TENM1: variants seen among roughly 807,000 people sequenced by gnomAD.
TENM1 encodes teneurin transmembrane protein 1, also known as teneurin-1.
Under a neutral mutation model 174.8 loss-of-function variants are expected in TENM1, and 35 were observed. The observed-to-expected ratio is 0.20, with a 90% confidence interval of 0.15 to 0.27. The LOEUF is 0.27. Ranked by LOEUF, TENM1 falls within the 10% of genes least tolerant of loss-of-function variation. TENM1 has a pLI of 1.00. For missense variants in TENM1, 1,633 were observed against 2,130.1 expected, an observed-to-expected ratio of 0.77 and a Z score of 4.59; for synonymous variants, 781 against 798.7, an observed-to-expected ratio of 0.98 and a Z score of 0.37.
chrX:124,803,784 A>G (rs1227533382), intron 3 of TENM1, among the ~76,000 whole-genome samples: 1 of 112,128 alleles, frequency 8.9e-6, no homozygotes, highest in African/African-American at 3.2e-5. Flanking sequence ...ATAATCTGAC[A>G]ATCAATATAA....
chrX:124,576,405 G>C (rs2049167788), intron 11 of TENM1, among the ~76,000 whole-genome samples: 1 of 107,563 alleles, frequency 9.3e-6, no homozygotes, highest in Non-Finnish European at 1.9e-5. Flanking sequence ...ATGAGTGGTA[G>C]GCCATGGGAT....
chrX:124,672,002 C>T (rs773050818), intron 5 of TENM1, among the ~76,000 whole-genome samples, 167 bp from the exon 9 acceptor site: 187 of 112,170 alleles, frequency 1.7e-3, no homozygotes, highest in Non-Finnish European at 2.7e-3. Context: ...TTACATGCTA[C>T]GACACACATA....
intron 11 of TENM1, among the ~76,000 whole-genome samples, chrX:124,589,942 T>C (rs1030593206): frequency 9.0e-6 from 1 of 111,550 alleles, no homozygotes; most frequent in Non-Finnish European, 1.9e-5. Flanking sequence ...AGTCATTTAT[T>C]TTCTTCTGGT....
chrX:125,200,654 T>TGTGTGAGAGAGAGAGA, the TENM1 span, among the ~76,000 whole-genome samples: 24 of 92,420 alleles, frequency 2.6e-4, 1 homozygote, highest in African/African-American at 9.2e-4. Context: ...TGTGTGTGTG[T>TGTGTGAGAGAGAGAGA]GAGAGAGAGA....
intron 1 of TENM1, among the ~76,000 whole-genome samples, chrX:124,951,673 T>TAA (rs1556426224): frequency 0.32 from 20,989 of 65,715 alleles, 2,569 homozygotes; most frequent in East Asian, 0.4. Flanking sequence ...TATATATATA[T>TAA]AACAATCAAT....
At chrX:124,790,900 A>C (rs1440521429) in intron 3 of TENM1, among the ~76,000 whole-genome samples, 1 of 111,533 alleles carries the variant, frequency 9.0e-6, no homozygotes, top group Non-Finnish European at 1.9e-5. Flanking sequence ...ATAGAAATAA[A>C]AAAAATAGTA....
At chrX:124,995,469 G>A in the TENM1 span, among the ~76,000 whole-genome samples, 1 of 111,332 alleles carries the variant, frequency 9.0e-6, no homozygotes, top group Non-Finnish European at 1.9e-5. Context: ...AGTTTCCTGA[G>A]TCCTAGCATA....
intron 3 of TENM1, among the ~76,000 whole-genome samples, chrX:124,805,579 T>A (rs772257294): frequency 1.1e-4 from 12 of 112,922 alleles, no homozygotes; most frequent in Non-Finnish European, 2.1e-4. Context: ...ACTCAATGTG[T>A]GTCCCTGCTG....
the TENM1 span, among the ~76,000 whole-genome samples, chrX:124,986,366 AC>A: frequency 9.0e-6 from 1 of 110,773 alleles, no homozygotes; most frequent in Admixed American, 9.6e-5. Flanking sequence ...AAGCTGAAAG[AC>A]CCTTTAACTC....
chrX:124,633,539 A>C (rs1489916834), intron 11 of TENM1, among the ~76,000 whole-genome samples: 1 of 111,553 alleles, frequency 9.0e-6, no homozygotes, highest in East Asian at 2.8e-4. Context: ...AAAATGTAAA[A>C]GATGTCTTTG....
the TENM1 span, among the ~76,000 whole-genome samples, chrX:125,129,675 G>T: frequency 4.6e-5 from 5 of 109,542 alleles, no homozygotes; most frequent in Non-Finnish European, 3.8e-5. Context: ...TTAGCTCCTA[G>T]AAATAAGTGA....
At chrX:125,163,041 A>G in the TENM1 span, among the ~76,000 whole-genome samples, 1 of 111,449 alleles carries the variant, frequency 9.0e-6, no homozygotes, top group Non-Finnish European at 1.9e-5. Context: ...CCCCGCTGCC[A>G]CCACTTTATC....
the TENM1 span, among the ~76,000 whole-genome samples, chrX:125,060,882 C>G: frequency 2.7e-5 from 3 of 111,064 alleles, no homozygotes; most frequent in East Asian, 2.8e-4. Context: ...ATTTGCACCT[C>G]AGAATTTAGC....
chrX:124,391,547 T>C (rs894563803), intron 28 of TENM1, among the ~76,000 whole-genome samples: 3 of 111,345 alleles, frequency 2.7e-5, no homozygotes, highest in African/African-American at 9.8e-5. Flanking sequence ...AAAAGAGTAT[T>C]ACCAATGAGG....
At chrX:124,720,272 G>T (rs2053280957) in intron 4 of TENM1, among the ~76,000 whole-genome samples, 2 of 111,840 alleles carry the variant, frequency 1.8e-5, no homozygotes, top group Non-Finnish European at 1.9e-5. Context: ...AGTCTGATAA[G>T]AAACATATAC....
chrX:124,701,336 A>ATGTGAGATTC (rs1274732194), intron 5 of TENM1, among the ~76,000 whole-genome samples: 1 of 111,619 alleles, frequency 9.0e-6, no homozygotes, highest in Non-Finnish European at 1.9e-5. Flanking sequence ...GTTTCCATGT[A>ATGTGAGATTC]TGTGAGATTC....
chrX:124,925,394 T>A (rs1011520327), intron 1 of TENM1, among the ~76,000 whole-genome samples: 1 of 111,449 alleles, frequency 9.0e-6, no homozygotes, highest in Non-Finnish European at 1.9e-5. Context: ...TGATTCCACA[T>A]TGGCAGAATT....
the TENM1 span, among the ~76,000 whole-genome samples, chrX:125,199,710 C>A: frequency 9.0e-6 from 1 of 111,714 alleles, no homozygotes; most frequent in African/African-American, 3.2e-5. Context: ...TAATAGACTT[C>A]ATTTATTAGA....
intron 22 of TENM1, among the ~76,000 whole-genome samples, chrX:124,471,055 C>A (rs2061294019): frequency 1.0e-5 from 1 of 97,190 alleles, no homozygotes; most frequent in Non-Finnish European, 2.0e-5. Context: ...CCTTATATAG[C>A]AATTATCATT....
Sources: allele counts gnomAD v4.1 joint callset (sites outside exome capture counted in the v4.1 genomes callset), GRCh38; gene constraint gnomAD v4.1.1; transcripts MANE v1.5; gene names NCBI Gene and HGNC (gene_info 2026-07-23, HGNC 2026-07-21).